The following ETV1 variants were observed in gnomAD, a reference collection of about 807,000 sequenced individuals.
The protein encoded by ETV1 is ETS variant transcription factor 1.
In ETV1, 27 loss-of-function variants were observed where a neutral mutation model predicts 62.3. The observed-to-expected ratio is 0.43, with a 90% CI of 0.32 to 0.60. The LOEUF (loss-of-function observed/expected upper bound fraction) is 0.60. Among genes scored for constraint, ETV1 ranks in the 20% least tolerant of loss-of-function variants. ETV1 has a pLI of 0.06. For missense variants in ETV1, 605 were observed against 605.8 expected (o/e 1.00, Z 0.01); for synonymous variants, 222 against 199.6 (o/e 1.11, Z -0.94).
intron 6 of ETV1, among the ~76,000 whole-genome samples, chr7:13,941,900 A>T (rs1349062763): frequency 7.6e-6 from 1 of 131,920 alleles, no homozygotes; most frequent in Non-Finnish European, 1.7e-5. Flanking sequence ...TAAATAAATA[A>T]ATAAATAAAG....
intron 9 of ETV1, 148 bp downstream of exon 9, chr7:13,931,354 G>A (rs903838062): frequency 1.8e-5 from 14 of 782,294 alleles, no homozygotes; most frequent in Non-Finnish European, 2.0e-5. Flanking sequence ...ATCTTTACAC[G>A]TAGATGAAGT....
At chr7:13,988,692 A>T (rs1191694953) in intron 3 of ETV1, 1 of 1,612,072 alleles carries the variant, frequency 6.2e-7, no homozygotes, top group South Asian at 1.1e-5. Flanking sequence ...CATTCTTTTC[A>T]ATGTGGCAGA....
intron 3 of ETV1, 199 bp from the exon 4 acceptor site, chr7:13,988,372 A>C (rs1036262575): frequency 3.4e-6 from 2 of 581,916 alleles, no homozygotes; most frequent in Non-Finnish European, 6.0e-6. Context: ...TATGTTAAGC[A>C]GGCAGGGAGA....
intron 6 of ETV1, among the ~76,000 whole-genome samples, chr7:13,943,684 A>G (rs2128464501): frequency 6.6e-6 from 1 of 152,330 alleles, no homozygotes; most frequent in South Asian, 2.1e-4. Flanking sequence ...ATACAGGAAT[A>G]AAAAGGGACA....
intron 6 of ETV1, among the ~76,000 whole-genome samples, chr7:13,951,443 G>A (rs915943862): frequency 6.6e-6 from 1 of 152,116 alleles, no homozygotes; most frequent in Non-Finnish European, 1.5e-5. Flanking sequence ...GATAATAACA[G>A]CACCTGCCTC....
At chr7:13,932,636 T>C (rs147433096) in intron 8 of ETV1, among the ~76,000 whole-genome samples, 411 of 152,318 alleles carry the variant, frequency 2.7e-3, no homozygotes, top group Non-Finnish European at 3.9e-3. Flanking sequence ...GCTAATCACA[T>C]AATCGTTCTG....
At chr7:13,978,897 C>G (rs1273520481) in intron 5 of ETV1, among the ~76,000 whole-genome samples, 1 of 151,996 alleles carries the variant, frequency 6.6e-6, no homozygotes, top group Non-Finnish European at 1.5e-5. Flanking sequence ...CAACTGTTTT[C>G]TAACAACTCT....
At chr7:13,942,677 TA>T (rs1381963745) in intron 6 of ETV1, among the ~76,000 whole-genome samples, 1 of 152,132 alleles carries the variant, frequency 6.6e-6, no homozygotes, top group Non-Finnish European at 1.5e-5. Context: ...CACTTCAGAT[TA>T]AGTATTGGTT....
intron 4 of ETV1, 173 bp from the exon 5 acceptor site, chr7:13,986,858 T>C: frequency 1.8e-6 from 1 of 570,152 alleles, no homozygotes; most frequent in East Asian, 3.1e-5. Flanking sequence ...TACTGCCTAC[T>C]TTTCATGCCT....
intron 5 of ETV1, chr7:13,985,520 G>C (rs1296519472): frequency 6.6e-6 from 1 of 151,938 alleles, no homozygotes; most frequent in African/African-American, 2.4e-5. Flanking sequence ...CTGCATTCAA[G>C]ACCACCGATA....
At chr7:13,975,534 G>T (rs1173806676) in intron 6 of ETV1, among the ~76,000 whole-genome samples, 14 of 142,502 alleles carry the variant, frequency 9.8e-5, no homozygotes, top group Non-Finnish European at 1.7e-4. Flanking sequence ...CTGCACTAGA[G>T]CCTGGGCAAC....
chr7:13,967,211 G>A (rs1780382381), intron 6 of ETV1, among the ~76,000 whole-genome samples: 1 of 152,036 alleles, frequency 6.6e-6, no homozygotes, highest in African/African-American at 2.4e-5. Context: ...GATAATTAAA[G>A]GGTCCATCAC....
intron 7 of ETV1, among the ~76,000 whole-genome samples, chr7:13,936,914 T>C (rs1362274765): frequency 3.9e-5 from 6 of 152,044 alleles, no homozygotes; most frequent in Non-Finnish European, 8.8e-5. Context: ...TGGTGATGCA[T>C]GTCTGTAGGC....
chr7:13,990,034 GT>G (rs567531586), upstream of ETV1: 1,252 of 155,292 alleles, frequency 8.1e-3, 11 homozygotes, highest in Non-Finnish European at 0.012. Flanking sequence ...CTGTTGTGCG[GT>G]TCTGGTATAC....
chr7:13,909,748 A>C, intron 10 of ETV1, 48 bp from the exon 11 acceptor site: 2 of 1,430,296 alleles, frequency 1.4e-6, no homozygotes, highest in Non-Finnish European at 2.0e-6. Flanking sequence ...AATGAAGCTC[A>C]CAAACACTTA....
upstream of ETV1, chr7:13,989,841 A>C: frequency 2.7e-6 from 1 of 375,050 alleles, no homozygotes; most frequent in Non-Finnish European, 4.7e-6. Flanking sequence ...CCTCTGCCCT[A>C]GGGGGTGCTC....
intron 9 of ETV1, among the ~76,000 whole-genome samples, chr7:13,923,803 C>T (rs1188087894): frequency 4.6e-5 from 7 of 152,096 alleles, no homozygotes; most frequent in Admixed American, 6.6e-5. Flanking sequence ...GAGGCTGAGG[C>T]GGGCGGATCA....
At chr7:13,931,354 G>T in intron 9 of ETV1, 148 bp downstream of exon 9, 1 of 782,412 alleles carries the variant, frequency 1.3e-6, no homozygotes. Flanking sequence ...ATCTTTACAC[G>T]TAGATGAAGT....
chr7:13,906,961 A>G (rs1411551564), intron 11 of ETV1, among the ~76,000 whole-genome samples: 3 of 152,078 alleles, frequency 2.0e-5, no homozygotes, highest in African/African-American at 7.2e-5. Flanking sequence ...TGTTAATGCT[A>G]TTACCCACTG....
Sources: allele counts gnomAD v4.1 joint callset (sites outside exome capture counted in the v4.1 genomes callset), GRCh38; gene constraint gnomAD v4.1.1; transcripts MANE v1.5; gene names NCBI Gene and HGNC (gene_info 2026-07-23, HGNC 2026-07-21).